The following SCFD2 variants were observed in gnomAD, a reference collection of about 807,000 sequenced individuals.
SCFD2 encodes the protein sec1 family domain containing 2, also known as sec1 family domain-containing protein 2.
SCFD2 carries 54 observed loss-of-function variants against 58.9 expected under a neutral mutation model. That is an observed-to-expected ratio of 0.92 (90% confidence interval 0.74 to 1.15). SCFD2 has a LOEUF of 1.15. Among genes scored for constraint, SCFD2 ranks in the 50% most tolerant of loss-of-function variants. SCFD2 has a pLI of 0.00. For missense variants in SCFD2, 805 were observed against 836.6 expected (o/e 0.96, Z 0.47); for synonymous variants, 321 against 335.9 (o/e 0.96, Z 0.49).
At chr4:53,199,501 T>C (rs573074273) in intron 4 of SCFD2, among the ~76,000 whole-genome samples, 1 of 152,292 alleles carries the variant, frequency 6.6e-6, no homozygotes, top group East Asian at 1.9e-4. Flanking sequence ...TATTCATAAC[T>C]AGCTCTTTTT....
At chr4:53,168,185 T>C (rs1235952078) in intron 4 of SCFD2, among the ~76,000 whole-genome samples, 1 of 152,164 alleles carries the variant, frequency 6.6e-6, no homozygotes, top group Non-Finnish European at 1.5e-5. Context: ...CTTGCAGGAA[T>C]CCAGAAATTT....
chr4:53,277,070 G>T (rs1249938106), intron 3 of SCFD2, among the ~76,000 whole-genome samples: 3 of 151,928 alleles, frequency 2.0e-5, no homozygotes, highest in Non-Finnish European at 2.9e-5. Flanking sequence ...TTGATTCATT[G>T]ATTCAACATA....
intron 4 of SCFD2, among the ~76,000 whole-genome samples, chr4:53,253,030 A>T (rs1730456765): frequency 1.3e-5 from 2 of 152,244 alleles, no homozygotes; most frequent in African/African-American, 4.8e-5. Flanking sequence ...GTGAACTCAA[A>T]CACATTTACA....
At chr4:52,909,729 C>T (rs1168966920) in intron 6 of SCFD2, among the ~76,000 whole-genome samples, 1 of 152,100 alleles carries the variant, frequency 6.6e-6, no homozygotes, top group Non-Finnish European at 1.5e-5. Context: ...GGGTAAAGCA[C>T]ACCAAAATGT....
chr4:53,110,866 T>G (rs970697877), intron 5 of SCFD2, among the ~76,000 whole-genome samples: 1 of 152,244 alleles, frequency 6.6e-6, no homozygotes, highest in African/African-American at 2.4e-5. Context: ...TAAATCATTC[T>G]ATGATAAAGA....
At chr4:53,020,672 G>A (rs555669481) in intron 5 of SCFD2, among the ~76,000 whole-genome samples, 1 of 152,204 alleles carries the variant, frequency 6.6e-6, no homozygotes, top group South Asian at 2.1e-4. Flanking sequence ...AGTAGCCCAC[G>A]TTTCCCAGCC....
At chr4:53,217,555 C>A (rs1232989564) in intron 4 of SCFD2, among the ~76,000 whole-genome samples, 2 of 152,116 alleles carry the variant, frequency 1.3e-5, no homozygotes, top group Non-Finnish European at 2.9e-5. Flanking sequence ...TGAGATGGGT[C>A]TTGTGAATAC....
intron 4 of SCFD2, among the ~76,000 whole-genome samples, chr4:53,236,420 T>C (rs1729611314): frequency 6.7e-6 from 1 of 148,866 alleles, no homozygotes; most frequent in Admixed American, 6.7e-5. Context: ...ATGATATATT[T>C]ATTAGGATAT....
intron 2 of SCFD2, among the ~76,000 whole-genome samples, chr4:53,329,281 C>T (rs1733335893): frequency 6.6e-6 from 1 of 152,210 alleles, no homozygotes; most frequent in Non-Finnish European, 1.5e-5. Flanking sequence ...TAGGCTTCAC[C>T]TCTGGGGGCA....
chr4:53,258,558 A>G (rs1192015034), intron 4 of SCFD2, among the ~76,000 whole-genome samples: 153 of 137,526 alleles, frequency 1.1e-3, no homozygotes, highest in Middle Eastern at 3.7e-3. Context: ...ATATATATAT[A>G]TATATATATA....
intron 4 of SCFD2, among the ~76,000 whole-genome samples, chr4:53,194,778 T>C (rs768911190): frequency 6.6e-6 from 1 of 152,192 alleles, no homozygotes; most frequent in Non-Finnish European, 1.5e-5. Context: ...CCTGATGACC[T>C]CTGGCACAAA....
intron 4 of SCFD2, among the ~76,000 whole-genome samples, 192 bp from the exon 5 acceptor site, chr4:53,145,774 A>G (rs1016354886): frequency 2.0e-5 from 3 of 152,200 alleles, no homozygotes; most frequent in Admixed American, 6.5e-5. Context: ...TTGTTTTGAA[A>G]GTCCTAATTT....
intron 5 of SCFD2, among the ~76,000 whole-genome samples, chr4:53,100,399 C>T (rs1393807476): frequency 6.6e-6 from 1 of 151,972 alleles, no homozygotes; most frequent in Non-Finnish European, 1.5e-5. Flanking sequence ...ATAAATTATA[C>T]AAACAAAAAA....
chr4:53,333,521 T>G (rs1285823678), intron 2 of SCFD2, among the ~76,000 whole-genome samples: 1 of 151,122 alleles, frequency 6.6e-6, no homozygotes, highest in Non-Finnish European at 1.5e-5. Flanking sequence ...ATTAAATAAA[T>G]GGTGCTGGGA....
Position 53,223,932 on chromosome 4 carries a change from C to T in SCFD2, c.1311+49894G>A, listed in dbSNP as rs192978259. 5.1e-3 allele frequency among the ~76,000 whole-genome samples: 776 copies of T among 152,314 alleles called. 2 individuals are homozygous for T. Among genetic ancestry groups the T allele is most frequent in the Non-Finnish European group, 8.5e-3 (575 of 68,028 alleles). ...CGAAACACAAAGAAAATAAGAATCT[C>T]ACAATCCACCTGAGAGAAGATAAAG... is the stretch of plus-strand genomic sequence containing the variant. On this transcript the variant is annotated intron_variant, in intron 4 of 8. Transcript: ENST00000401642.
intron 4 of SCFD2, among the ~76,000 whole-genome samples, chr4:53,237,334 C>G (rs561819732): frequency 6.6e-5 from 10 of 151,922 alleles, no homozygotes; most frequent in Non-Finnish European, 1.3e-4. Context: ...CATCCTGGCC[C>G]GTTCTCAATG....
intron 5 of SCFD2, among the ~76,000 whole-genome samples, chr4:53,132,122 T>C (rs1725801465): frequency 1.3e-5 from 2 of 152,256 alleles, no homozygotes; most frequent in Non-Finnish European, 2.9e-5. Flanking sequence ...CTTTAATATG[T>C]TAGCAAATTA....
intron 5 of SCFD2, among the ~76,000 whole-genome samples, chr4:53,038,915 T>C (rs190417405): frequency 3.6e-4 from 55 of 152,268 alleles, no homozygotes; most frequent in Non-Finnish European, 6.2e-4. Context: ...AGTCTTGAAC[T>C]TTTGGCTCAA....
intron 2 of SCFD2, among the ~76,000 whole-genome samples, chr4:53,318,944 C>G (rs1033963132): frequency 6.6e-6 from 1 of 152,164 alleles, no homozygotes; most frequent in African/African-American, 2.4e-5. Context: ...AGAGAGGCAA[C>G]TGACTGATTT....
Sources: allele counts gnomAD v4.1 joint callset (sites outside exome capture counted in the v4.1 genomes callset), GRCh38; gene constraint gnomAD v4.1.1; transcripts MANE v1.5; gene names NCBI Gene and HGNC (gene_info 2026-07-23, HGNC 2026-07-21).